The following MLPH variants were observed in gnomAD, a reference collection of about 807,000 sequenced individuals.
MLPH encodes the protein melanophilin.
In MLPH, 51 loss-of-function variants were observed where a neutral mutation model predicts 72.1. The ratio of observed to expected loss-of-function variants is 0.71; its 90% CI spans 0.56 to 0.89. The LOEUF is 0.89. Among genes scored for constraint, MLPH ranks in the 40% least tolerant of loss-of-function variants. The pLI is 0.00. For missense variants in MLPH, 743 were observed against 759.9 expected, an observed-to-expected ratio of 0.98 and a Z score of 0.26; for synonymous variants, 301 against 310.1, an observed-to-expected ratio of 0.97 and a Z score of 0.31.
intron 14 of MLPH, among the ~76,000 whole-genome samples, chr2:237,549,689 C>G (rs2080993953): frequency 6.6e-6 from 1 of 152,114 alleles, no homozygotes; most frequent in South Asian, 2.1e-4. Context: ...AGCACGTGGC[C>G]GGGCTCTTGG....
chr2:237,528,324 A>T (rs1462832872), intron 8 of MLPH, among the ~76,000 whole-genome samples: 3 of 151,806 alleles, frequency 2.0e-5, no homozygotes, highest in Admixed American at 2.0e-4. Flanking sequence ...GAAAATAAAT[A>T]ATCTTTAGTC....
Position 237,510,712 on chromosome 2 carries a change from A to G in MLPH, c.249A>G (p.Glu83=). The change falls in exon 3 of 16, where the codon GAA becomes GAG. Residue 83 remains glutamate, a synonymous_variant. Coordinates refer to ENST00000264605, the MANE Select transcript of MLPH (RefSeq NM_024101.7). This position sits in a 1 kb window ranked among gnomAD's most constrained non-coding sequence, Gnocchi z 4.4. ...TGAATAGCAAAAGGCAGTGCCTGGA[A>G]TGTGGCCTCTTCACCTGCAAAAGCT... ...LLVNSKRQCL[E]CGLFTCKSCG... The G allele has an allele frequency of 6.2e-7, 1 of 1,613,728 alleles. No individual in the cohort carries two copies. Among genetic ancestry groups the G allele is most frequent in the Middle Eastern group, 1.7e-4 (1 of 6,048 alleles).
At chr2:237,518,124 A>C in intron 4 of MLPH, 1 of 329,884 alleles carries the variant, frequency 3.0e-6, no homozygotes, top group Non-Finnish European at 5.9e-6. Context: ...GGAGGGATGG[A>C]GGGATGGATG....
chr2:237,516,914 A>AGGATGGAT (rs1157566183), intron 4 of MLPH, among the ~76,000 whole-genome samples: 2,695 of 119,268 alleles, frequency 0.023, 126 homozygotes, highest in African/African-American at 0.097. Context: ...GATGGATGGT[A>AGGATGGAT]GGATGGATGG....
chr2:237,513,616 T>A (rs946487573), intron 4 of MLPH, among the ~76,000 whole-genome samples: 4 of 152,158 alleles, frequency 2.6e-5, no homozygotes, highest in African/African-American at 9.7e-5. Flanking sequence ...TGTTGCCCCC[T>A]TGGCCCAAGT....
intron 2 of MLPH, among the ~76,000 whole-genome samples, chr2:237,503,612 G>A (rs553088608): frequency 1.2e-3 from 182 of 152,212 alleles, no homozygotes; most frequent in Admixed American, 2.2e-3. Context: ...GTGACTCACT[G>A]GATCTTTTGT....
At chr2:237,551,250 G>T (rs1450860079) in intron 14 of MLPH, among the ~76,000 whole-genome samples, 1 of 152,266 alleles carries the variant, frequency 6.6e-6, no homozygotes. Context: ...CCTGGAGCGG[G>T]GACGGAGGGC....
rs770238828 is a variant in MLPH, at chr2:237,525,745, G to A, written c.820G>A (p.Ala274Thr). ...SISPSRHGAL[A>T]ELCPPGGSHR... ...CTCACCTTCCAGACACGGCGCCCTGGCTGAGCTCTGCCCGCCTGGAGGCTC... is the reference window on the plus strand; with the variant it reads ...CTCACCTTCCAGACACGGCGCCCTGACTGAGCTCTGCCCGCCTGGAGGCTC... Residue 274 changes from alanine (A) to threonine (T), a missense_variant, in exon 7 of 16, where the codon GCT becomes ACT. Coordinates refer to ENST00000264605, the MANE Select transcript of MLPH (RefSeq NM_024101.7). 1.9e-6 allele frequency: 3 copies of A among 1,613,930 alleles called. No homozygotes were observed. In the South Asian group the frequency reaches 3.3e-5, roughly 18 times the overall value.
chr2:237,520,118 A>C, intron 6 of MLPH, 89 bp downstream of exon 6: 1 of 1,574,218 alleles, frequency 6.4e-7, no homozygotes, highest in South Asian at 1.1e-5. Flanking sequence ...GCACTCTGGA[A>C]GCAGTGTCTG....
chr2:237,535,348 C>T (rs900335043), intron 9 of MLPH, among the ~76,000 whole-genome samples: 8 of 152,066 alleles, frequency 5.3e-5, no homozygotes, highest in Admixed American at 2.6e-4. Flanking sequence ...TCTTGAAGGT[C>T]CCACCTCTCA....
At position 237,510,326 on chromosome 2, in the gene MLPH, T is replaced by C. The variant is rs2079863215; in HGVS notation, c.111-248T>C. On this transcript the variant is annotated intron_variant, in intron 2 of 15. Transcript: ENST00000264605. This position sits in a 1 kb window ranked among gnomAD's most constrained non-coding sequence, Gnocchi z 4.4. ...CAGAAATGCTTAAATGCAATATCAT[T>C]TCTATGAAATTAACGTGTTTCCATT... is the stretch of plus-strand genomic sequence containing the variant. 1.8e-6 allele frequency: 1 copy of C among 570,850 alleles called. No individual in the cohort carries two copies. The allele number at this position is 570,850 out of a possible 1,614,324, so 35.4% of individuals were successfully genotyped here.
At chr2:237,516,287 C>G (rs1304773505) in intron 4 of MLPH, among the ~76,000 whole-genome samples, 1 of 152,210 alleles carries the variant, frequency 6.6e-6, no homozygotes, top group Non-Finnish European at 1.5e-5. Flanking sequence ...AGCCACAGCA[C>G]CGGCCAAGCC....
intron 2 of MLPH, among the ~76,000 whole-genome samples, chr2:237,500,280 T>A (rs61153258): frequency 0.26 from 38,823 of 152,006 alleles, 8,839 homozygotes; most frequent in African/African-American, 0.6. Flanking sequence ...AGTGACCTTG[T>A]CCAGCCCCAA....
chr2:237,510,757 G>C lies in MLPH; in HGVS notation c.294G>C (p.Glu98Asp), dbSNP rs1418775171. ...AAAGCTGTGGCCGCGTCCACCCGGA[G>C]GAGCAGGGCTGGATCTGTGACCCCT... The part of the protein sequence containing the change: ...TCKSCGRVHP[E>D]EQGWICDPCH... The change falls in exon 3 of 16, where the codon GAG (glutamate) becomes GAC (aspartate). Residue 98 changes from glutamate (E) to aspartate (D), a missense_variant. Coordinates refer to ENST00000264605, the MANE Select transcript of MLPH (RefSeq NM_024101.7). The surrounding 1 kb of genome is among the most constrained non-coding windows in gnomAD (Gnocchi z 4.4). 6.2e-7 allele frequency: 1 copy of C among 1,613,680 alleles called. No homozygotes were observed.
chr2:237,518,402 G>A (rs2080099403), intron 4 of MLPH, 137 bp from the exon 5 acceptor site: 1 of 735,512 alleles, frequency 1.4e-6, no homozygotes, highest in Non-Finnish European at 2.5e-6. Context: ...TGTGTGGATA[G>A]GTGGGTGAAT....
At chr2:237,526,361 A>G (rs1330573912) in intron 7 of MLPH, among the ~76,000 whole-genome samples, 7 of 152,110 alleles carry the variant, frequency 4.6e-5, no homozygotes, top group African/African-American at 1.7e-4. Context: ...AGCAAGTAAG[A>G]TCACAGCAGC....
In MLPH at chr2:237,553,936, G is replaced by A; in HGVS notation, c.*344G>A. ...TGATCTTTTACCCCTTTCACTCTTGGCTTTCTTATGTTGCTTTCATGAATG... is the reference window on the plus strand; with the variant it reads ...TGATCTTTTACCCCTTTCACTCTTGACTTTCTTATGTTGCTTTCATGAATG... On this transcript the variant is annotated 3_prime_UTR_variant, in exon 16 of 16. Transcript: ENST00000264605. 2 of 438,248 alleles carry A rather than the reference G, an allele frequency of 4.6e-6. No individual in the cohort carries two copies. The highest frequency in any genetic ancestry group is 4.2e-5 in the South Asian group (2 of 47,176). The allele number at this position is 438,248 out of a possible 1,614,324, so 27.1% of individuals were successfully genotyped here.
In MLPH at chr2:237,552,091, A is replaced by G. The variant is rs7596363; in HGVS notation, c.1676-246A>G. On this transcript the variant is annotated intron_variant, in intron 14 of 15. Coordinates refer to ENST00000264605, the MANE Select transcript of MLPH (RefSeq NM_024101.7). ...CTGCTTCATTAGTGTGAGGATTTCC[A>G]GGGCCACAGTGAGGAAGAATGTTAA... is the stretch of plus-strand genomic sequence containing the variant. The G allele has an allele frequency of 0.23, 108,717 of 477,948 alleles. 17,532 individuals are homozygous for G. The highest frequency in any genetic ancestry group is 0.57 in the African/African-American group (29,136 of 51,030). 29.6% of individuals were successfully genotyped at this position (477,948 alleles called of 1,614,324 possible).
intron 13 of MLPH, among the ~76,000 whole-genome samples, chr2:237,548,925 G>T (rs1446763097): frequency 1.3e-5 from 2 of 152,170 alleles, no homozygotes; most frequent in African/African-American, 4.8e-5. Flanking sequence ...ACAGTGGTAA[G>T]GGGGAGTGCT....
Sources: allele counts gnomAD v4.1 joint callset (sites outside exome capture counted in the v4.1 genomes callset), GRCh38; gene constraint gnomAD v4.1.1; non-coding constraint Gnocchi (gnomAD v3.1); transcripts MANE v1.5; gene names NCBI Gene and HGNC (gene_info 2026-07-23, HGNC 2026-07-21).